EYA3: variants seen among roughly 807,000 people sequenced by gnomAD.
EYA3 encodes EYA transcriptional coactivator and phosphatase 3, also known as protein phosphatase EYA3.
A neutral mutation model predicts 80.0 loss-of-function variants in EYA3; 39 were observed. The observed-to-expected ratio is 0.49, with a 90% CI of 0.38 to 0.64. EYA3 has a LOEUF of 0.64. EYA3 is among the 30% of genes least tolerant of loss of function. The pLI is 0.00. For missense variants in EYA3, 523 were observed against 676.1 expected (o/e 0.77, Z 2.51); for synonymous variants, 206 against 232.8 (o/e 0.88, Z 1.05).
chr1:27,999,983 G>A lies in EYA3; in HGVS notation c.1060C>T (p.His354Tyr). ...EEMIFEVADT[H>Y]LFFNDLEECD... ...ACCTCTAAGTCATTGAAAAATAGATGAGTATCAGCCACTTCAAAAATCATT... is the reference window on the plus strand; with the variant it reads ...ACCTCTAAGTCATTGAAAAATAGATAAGTATCAGCCACTTCAAAAATCATT... Residue 354 changes from histidine to tyrosine, a missense_variant, in exon 12 of 18, where the codon CAT (histidine) becomes TAT (tyrosine). Coordinates refer to ENST00000373871, the MANE Select transcript of EYA3 (RefSeq NM_001990.4). 1 of 1,608,106 alleles carries A rather than the reference G, an allele frequency of 6.2e-7. No homozygotes were observed. Among genetic ancestry groups the A allele is most frequent in the South Asian group, 1.1e-5 (1 of 89,706 alleles).
chr1:28,070,465 G>A (rs1644983092), intron 1 of EYA3, among the ~76,000 whole-genome samples: 1 of 152,118 alleles, frequency 6.6e-6, no homozygotes, highest in Admixed American at 6.6e-5. Context: ...CGGAGGCTGA[G>A]GCAGAAGAAT....
Position 28,038,895 on chromosome 1 carries a change from G to C in EYA3, c.168C>G (p.Cys56Trp). ...TGGATGAGCGAGGGATGTAATCGGT[G>C]CATGTCATAACTGAAAGAAAGATAA... Reference protein sequence around the residue: ...NLPMSEEIMTCTDYIPRSSND... With the variant: ...NLPMSEEIMTWTDYIPRSSND... Residue 56 changes from cysteine (C) to tryptophan (W), a missense_variant, in exon 5 of 18, where the codon TGC becomes TGG. Around this residue, in one of 2 missense-constraint regions of EYA3, gnomAD observed 304 missense variants for 343.3 expected, o/e 0.89. Coordinates refer to ENST00000373871, the MANE Select transcript of EYA3 (RefSeq NM_001990.4). 6.3e-7 allele frequency: 1 copy of C among 1,596,036 alleles called. No homozygotes were observed. The highest frequency in any genetic ancestry group is 8.6e-7 in the Non-Finnish European group (1 of 1,168,504).
Position 28,073,103 on chromosome 1 carries a change from T to TTCTATATATATA in EYA3, c.-68-15010_-68-15009insTATATATATAGA, listed in dbSNP as rs1447435853. Among the ~76,000 whole-genome samples the TTCTATATATATA allele has an allele frequency of 2.9e-4, 11 of 37,750 alleles. 1 individual carries two copies. The highest frequency in any genetic ancestry group is 1.5e-3 in the East Asian group (1 of 686). The allele number at this position is 37,750 out of a possible 152,430, so 24.8% of individuals were successfully genotyped here. A position where few individuals can be genotyped will look rare whatever the true frequency, so the allele number is the denominator to read the frequency against. Reference sequence around the variant, plus strand: ...ATCCTTTTTGGGATTGATGAAACTATTATATATATATATATATATATATAT... The same window carrying TTCTATATATATA: ...ATCCTTTTTGGGATTGATGAAACTATTCTATATATATATATATATATATATATATATATATAT... On this transcript the variant is annotated intron_variant, in intron 1 of 17. Coordinates refer to ENST00000373871, the MANE Select transcript of EYA3 (RefSeq NM_001990.4).
chr1:28,051,642 G>A (rs1644254405), intron 2 of EYA3, among the ~76,000 whole-genome samples: 1 of 152,092 alleles, frequency 6.6e-6, no homozygotes, highest in Non-Finnish European at 1.5e-5. Flanking sequence ...AGCTGAGATT[G>A]CACCACTGCA....
intron 1 of EYA3, among the ~76,000 whole-genome samples, chr1:28,062,932 G>A (rs1422400692): frequency 6.6e-6 from 1 of 151,340 alleles, no homozygotes; most frequent in Admixed American, 6.6e-5. Flanking sequence ...AACTCAGAAG[G>A]CGGAGGTTGC....
chr1:28,053,397 T>G (rs1381509333), intron 2 of EYA3, among the ~76,000 whole-genome samples: 1 of 152,116 alleles, frequency 6.6e-6, no homozygotes, highest in Non-Finnish European at 1.5e-5. Flanking sequence ...CACTGACAAA[T>G]TCATAAATCA....
chr1:28,011,599 A>G (rs1641703653), intron 9 of EYA3, among the ~76,000 whole-genome samples: 1 of 152,230 alleles, frequency 6.6e-6, no homozygotes, highest in South Asian at 2.1e-4. Flanking sequence ...CCAATTTACT[A>G]TAAAATACAG....
rs1553144733 is a variant in EYA3, at chr1:28,009,639, A to AAACAAGAAC, written c.909+1307_909+1308insGTTCTTGTT. Among the ~76,000 whole-genome samples, 3 of 108,138 alleles carry AAACAAGAAC rather than the reference A, an allele frequency of 2.8e-5. No homozygotes were observed. Among genetic ancestry groups the AAACAAGAAC allele is most frequent in the African/African-American group, 9.4e-5 (3 of 32,058 alleles). 70.9% of individuals were successfully genotyped at this position (108,138 alleles called of 152,430 possible). A position where few individuals can be genotyped will look rare whatever the true frequency, so the allele number is the denominator to read the frequency against. On this transcript the variant is annotated intron_variant, in intron 10 of 17. Transcript: ENST00000373871. This position sits in a 1 kb window ranked among gnomAD's most constrained non-coding sequence, Gnocchi z 4.8. The stretch of plus-strand genomic sequence containing the variant: ...CACTCCAGCCTGAGACTCCATCTCA[A>AAACAAGAAC]AACAACAACAACAACAACAACAACA...
chr1:28,002,749 C>T (rs1571765040), intron 11 of EYA3, among the ~76,000 whole-genome samples: 1 of 151,788 alleles, frequency 6.6e-6, no homozygotes, highest in South Asian at 2.1e-4. Context: ...GAGATCGAAG[C>T]TGCAGTGAGC....
At chr1:28,075,280 AGC>A (rs1245770528) in intron 1 of EYA3, among the ~76,000 whole-genome samples, 1 of 152,336 alleles carries the variant, frequency 6.6e-6, no homozygotes, top group African/African-American at 2.4e-5. Flanking sequence ...CTCATTTCCC[AGC>A]TTTTCCTTTT....
At chr1:27,993,945 G>T (rs541724153) in intron 13 of EYA3, among the ~76,000 whole-genome samples, 1 of 152,146 alleles carries the variant, frequency 6.6e-6, no homozygotes, top group African/African-American at 2.4e-5. Flanking sequence ...GGAGAAACAT[G>T]AAAAAATAAT....
intron 8 of EYA3, among the ~76,000 whole-genome samples, chr1:28,014,955 A>G (rs1425649598): frequency 6.6e-6 from 1 of 152,200 alleles, no homozygotes; most frequent in African/African-American, 2.4e-5. Flanking sequence ...CTAACTGATC[A>G]GATACATTAT....
intron 3 of EYA3, among the ~76,000 whole-genome samples, chr1:28,044,160 TTC>T (rs1395215544): frequency 6.6e-6 from 1 of 152,232 alleles, no homozygotes; most frequent in Non-Finnish European, 1.5e-5. Context: ...CTTCAAAATG[TTC>T]TCTCTTTTCC....
rs544257342 is a variant in EYA3, at chr1:27,974,237, G to A, written c.*229C>T. ...AGCTGTTGGTTCTGATTGTGTTCTCGCCAGCATTCCATGGATAAAGACAGA... is the reference window on the plus strand; with the variant it reads ...AGCTGTTGGTTCTGATTGTGTTCTCACCAGCATTCCATGGATAAAGACAGA... On this transcript the variant is annotated 3_prime_UTR_variant, in exon 18 of 18. Transcript: ENST00000373871. 2.5e-4 allele frequency: 85 copies of A among 335,032 alleles called. No individual in the cohort carries two copies. Among genetic ancestry groups the A allele is most frequent in the Admixed American group, 3.3e-4 (8 of 23,934 alleles). The allele number at this position is 335,032 out of a possible 1,614,324, so 20.8% of individuals were successfully genotyped here.
At chr1:27,976,937 C>T (rs1466360157) in intron 17 of EYA3, 11 of 758,736 alleles carry the variant, frequency 1.4e-5, no homozygotes, top group Admixed American at 1.3e-4. Context: ...AGGCTAGTCT[C>T]GAACTCCTGA....
intron 2 of EYA3, among the ~76,000 whole-genome samples, chr1:28,051,207 C>T (rs1398276172): frequency 6.6e-6 from 1 of 152,112 alleles, no homozygotes; most frequent in Non-Finnish European, 1.5e-5. Context: ...TTTTGCATGA[C>T]ATAATTTTGT....
intron 8 of EYA3, among the ~76,000 whole-genome samples, chr1:28,015,543 CA>C (rs2148800058): frequency 6.6e-6 from 1 of 151,942 alleles, no homozygotes; most frequent in Admixed American, 6.6e-5. Context: ...AACAAACAAA[CA>C]AACAAAAAAC....
Position 28,009,390 on chromosome 1 carries a change from G to A in EYA3, c.909+1557C>T, listed in dbSNP as rs1296389611. Among the ~76,000 whole-genome samples the A allele has an allele frequency of 6.6e-6, 1 of 152,134 alleles. No individual in the cohort carries two copies. Among genetic ancestry groups the A allele is most frequent in the Non-Finnish European group, 1.5e-5 (1 of 68,018 alleles). ...TGGTAGGCAGGGCATGGTGGCTCAC[G>A]TCTGTAATCCCAGCACTATGGGAGG... On this transcript the variant is annotated intron_variant, in intron 10 of 17. Coordinates refer to ENST00000373871, the MANE Select transcript of EYA3 (RefSeq NM_001990.4). This position sits in a 1 kb window ranked among gnomAD's most constrained non-coding sequence, Gnocchi z 4.8.
At chr1:28,027,147 G>T (rs1223324905) in intron 7 of EYA3, among the ~76,000 whole-genome samples, 1 of 152,138 alleles carries the variant, frequency 6.6e-6, no homozygotes, top group Admixed American at 6.6e-5. Flanking sequence ...CAAATTGCCT[G>T]CCCTGGATTT....
Sources: gnomAD v4.1 joint callset for allele counts (sites outside exome capture counted in the v4.1 genomes callset) on GRCh38, gnomAD v4.1.1 for gene constraint, gnomAD v4.1.1 regional missense constraint, Gnocchi (gnomAD v3.1) non-coding constraint, MANE v1.5 for transcripts, NCBI Gene and HGNC (gene_info 2026-07-23, HGNC 2026-07-21) for gene names.